The following FAM24B variants were observed in gnomAD, a reference collection of about 807,000 sequenced individuals.
The protein encoded by FAM24B is family with sequence similarity 24 member B, also known as protein FAM24B.
A neutral mutation model predicts 2.3 loss-of-function variants in FAM24B; 3 were observed. The ratio of observed to expected loss-of-function variants is 1.29; its 90% CI spans 0.59 to 3.32. The LOEUF is 3.32. Among genes scored for constraint, FAM24B ranks in the 30% most tolerant of loss-of-function variants. FAM24B has a pLI of 0.03. For missense variants in FAM24B, 98 were observed against 117.2 expected, an observed-to-expected ratio of 0.84 and a Z score of 0.76; for synonymous variants, 36 against 46.3, an observed-to-expected ratio of 0.78 and a Z score of 0.90.
intron 1 of FAM24B, among the ~76,000 whole-genome samples, chr10:122,868,507 G>T (rs1465817037): frequency 6.6e-6 from 1 of 152,062 alleles, no homozygotes; most frequent in South Asian, 2.1e-4. Flanking sequence ...TGAAATGAAG[G>T]AAAAAATGTT....
chr10:122,871,280 TAA>T (rs1290617285), intron 1 of FAM24B, among the ~76,000 whole-genome samples: 1 of 151,848 alleles, frequency 6.6e-6, no homozygotes, highest in African/African-American at 2.4e-5. Flanking sequence ...CTCAATGAAA[TAA>T]AAGAGGATAC....
intron 3 of FAM24B, among the ~76,000 whole-genome samples, chr10:122,850,164 G>A (rs1847503631): frequency 6.6e-6 from 1 of 152,156 alleles, no homozygotes; most frequent in South Asian, 2.1e-4. Flanking sequence ...TGACAGCCAA[G>A]CAGCGCTGAC....
chr10:122,857,271 T>A (rs1847655709), intron 1 of FAM24B, among the ~76,000 whole-genome samples: 1 of 152,166 alleles, frequency 6.6e-6, no homozygotes, highest in Admixed American at 6.5e-5. Context: ...TCATATTCGC[T>A]GGTCCAGCCT....
chr10:122,875,484 T>G (rs1192233778), intron 1 of FAM24B, among the ~76,000 whole-genome samples: 1 of 152,242 alleles, frequency 6.6e-6, no homozygotes, highest in Non-Finnish European at 1.5e-5. Flanking sequence ...TTGTAAATCT[T>G]TGTTGAAAGC....
At chr10:122,864,422 T>C (rs954325965) in intron 1 of FAM24B, among the ~76,000 whole-genome samples, 6 of 152,174 alleles carry the variant, frequency 3.9e-5, no homozygotes, top group Non-Finnish European at 8.8e-5. Flanking sequence ...GTACTACTTT[T>C]CACAAGCAAA....
intron 1 of FAM24B, among the ~76,000 whole-genome samples, chr10:122,870,163 T>C (rs9423285): frequency 0.52 from 78,786 of 151,962 alleles, 21,098 homozygotes; most frequent in African/African-American, 0.64. Context: ...AACACCTCTA[T>C]GCAAATAAAC....
chr10:122,861,680 C>T (rs1847727345), intron 1 of FAM24B, among the ~76,000 whole-genome samples: 2 of 152,120 alleles, frequency 1.3e-5, no homozygotes, highest in Non-Finnish European at 1.5e-5. Flanking sequence ...TACCTAAATG[C>T]TTCTTTAACT....
intron 1 of FAM24B, among the ~76,000 whole-genome samples, chr10:122,873,026 C>T (rs560789912): frequency 9.8e-4 from 149 of 152,202 alleles, no homozygotes; most frequent in Non-Finnish European, 1.6e-3. Flanking sequence ...ATCTCCATAA[C>T]ATAAAAGTGC....
intron 3 of FAM24B, 53 bp from the exon 4 acceptor site, chr10:122,849,492 T>C: frequency 1.3e-6 from 2 of 1,510,416 alleles, no homozygotes; most frequent in Admixed American, 3.9e-5. Context: ...TTCTCAGCCC[T>C]TTTGTTAGAA....
At chr10:122,876,903 G>A (rs910913218) in intron 1 of FAM24B, among the ~76,000 whole-genome samples, 1 of 152,104 alleles carries the variant, frequency 6.6e-6, no homozygotes, top group Non-Finnish European at 1.5e-5. Context: ...ATATTTTGAG[G>A]GTAAAAGGTC....
intron 1 of FAM24B, among the ~76,000 whole-genome samples, chr10:122,858,306 A>G (rs1470978616): frequency 1.3e-5 from 2 of 151,956 alleles, no homozygotes; most frequent in Admixed American, 6.6e-5. Flanking sequence ...CGCAAGGACA[A>G]AAAACCAAAC....
At chr10:122,866,394 G>T (rs926891647) in intron 1 of FAM24B, among the ~76,000 whole-genome samples, 1 of 151,136 alleles carries the variant, frequency 6.6e-6, no homozygotes, top group Admixed American at 6.6e-5. Context: ...TTTTTATTAC[G>T]TCTTCTCTTC....
chr10:122,867,885 T>A lies in FAM24B; in HGVS notation c.-178+11600A>T, dbSNP rs187421254. Among the ~76,000 whole-genome samples the A allele has an allele frequency of 3.7e-4, 56 of 152,160 alleles. No individual in the cohort carries two copies. The East Asian group carries it at 7.7e-3, about 21-fold the overall frequency. ...CGGAAACTCTAAAAATCAGAGCGCCTCTCCTCCTCCAAAGGAACGCAGCTC... is the reference window on the plus strand; with the variant it reads ...CGGAAACTCTAAAAATCAGAGCGCCACTCCTCCTCCAAAGGAACGCAGCTC... On this transcript the variant is annotated intron_variant, in intron 1 of 3. Transcript: ENST00000368898.
In FAM24B at chr10:122,863,258, A is replaced by G. The variant is rs78327001; in HGVS notation, c.-177-7472T>C. Among the ~76,000 whole-genome samples, 970 of 152,334 alleles carry G rather than the reference A, an allele frequency of 6.4e-3. 8 individuals carry two copies. Among genetic ancestry groups the G allele is most frequent in the African/African-American group, 0.016 (659 of 41,578 alleles). ...GATTGATGACTTCATGCCTGGCACT[A>G]GCTCTTAGATATTTCATTCTCTTAA... is the stretch of plus-strand genomic sequence containing the variant. On this transcript the variant is annotated intron_variant, in intron 1 of 3. Coordinates refer to ENST00000368898, the MANE Select transcript of FAM24B (RefSeq NM_152644.3).
chr10:122,869,383 A>G (rs924806789), intron 1 of FAM24B, among the ~76,000 whole-genome samples: 1 of 152,200 alleles, frequency 6.6e-6, no homozygotes, highest in African/African-American at 2.4e-5. Context: ...AACCAGACAG[A>G]AAGTTAACAA....
intron 2 of FAM24B, chr10:122,850,930 T>C (rs1847524061): frequency 1.2e-5 from 2 of 171,952 alleles, no homozygotes; most frequent in Non-Finnish European, 2.5e-5. Context: ...ATACTCATTT[T>C]CAGAGTCAGA....
At chr10:122,865,513 CTGTTTGATATTT>C (rs1847789940) in intron 1 of FAM24B, among the ~76,000 whole-genome samples, 1 of 152,064 alleles carries the variant, frequency 6.6e-6, no homozygotes, top group African/African-American at 2.4e-5. Context: ...TTGTTGGATT[CTGTTTGATATTT>C]TGTTGAGGAT....
intron 1 of FAM24B, among the ~76,000 whole-genome samples, chr10:122,872,340 A>C (rs1847910298): frequency 6.6e-6 from 1 of 152,220 alleles, no homozygotes; most frequent in Non-Finnish European, 1.5e-5. Flanking sequence ...TGTTGGTGGG[A>C]CTGTAAACTA....
At chr10:122,877,494 A>C (rs1178897676) in intron 1 of FAM24B, among the ~76,000 whole-genome samples, 2 of 152,176 alleles carry the variant, frequency 1.3e-5, no homozygotes, top group Non-Finnish European at 2.9e-5. Context: ...AACCCTGAAA[A>C]GATATCTCAA....
Sources: allele counts gnomAD v4.1 joint callset (sites outside exome capture counted in the v4.1 genomes callset), GRCh38; gene constraint gnomAD v4.1.1; transcripts MANE v1.5; gene names NCBI Gene and HGNC (gene_info 2026-07-23, HGNC 2026-07-21).